BCCIP: variants seen among roughly 807,000 people sequenced by gnomAD.
BCCIP encodes the protein BRCA2 and CDKN1A interacting protein.
Under a neutral mutation model 32.8 loss-of-function variants are expected in BCCIP, and 23 were observed. That is an observed-to-expected ratio of 0.70 (90% CI 0.51 to 0.99). The LOEUF (loss-of-function observed/expected upper bound fraction) is 0.99. BCCIP is among the 50% of genes least tolerant of loss of function. The pLI is 0.00. For missense variants in BCCIP, 378 were observed against 379.8 expected (o/e 1.00, Z 0.04); for synonymous variants, 144 against 137.6 (o/e 1.05, Z -0.33).
At chr10:125,847,401 A>C (rs533773098), downstream of BCCIP, among the ~76,000 whole-genome samples, 1 of 152,232 alleles carries the variant, frequency 6.6e-6, no homozygotes, top group Non-Finnish European at 1.5e-5. Context: ...ATCCACTGCA[A>C]CATAATGCAT....
chr10:125,829,152 T>C lies in BCCIP; in HGVS notation c.322-1410T>C, dbSNP rs117607954. Among the ~76,000 whole-genome samples the C allele has an allele frequency of 3.3e-4, 51 of 152,310 alleles. 2 individuals carry two copies. Among genetic ancestry groups the C allele is most frequent in the Admixed American group, 1.9e-3 (29 of 15,294 alleles). On this transcript the variant is annotated intron_variant, in intron 3 of 6. Coordinates refer to ENST00000278100, the MANE Select transcript of BCCIP (RefSeq NM_078468.3). ...AAGAGCATGTCCAAGGAGAGATCCA[T>C]TGGGGCCATCTGTGAAAGATACAGT... is the stretch of plus-strand genomic sequence containing the variant.
chr10:125,851,930 A>G (rs1351285679), intron 7 of BCCIP, among the ~76,000 whole-genome samples: 1 of 151,232 alleles, frequency 6.6e-6, no homozygotes, highest in Admixed American at 6.6e-5. Flanking sequence ...CAAAAAAAAA[A>G]AAAAAAAAAA....
chr10:125,837,312 ATAG>A (rs999062048), downstream of BCCIP, among the ~76,000 whole-genome samples: 18 of 152,350 alleles, frequency 1.2e-4, no homozygotes, highest in Middle Eastern at 3.4e-3. Context: ...ACTTGCTGGA[ATAG>A]TAGTGGAACC....
chr10:125,843,522 G>A (rs1854937315), downstream of BCCIP, among the ~76,000 whole-genome samples: 2 of 151,974 alleles, frequency 1.3e-5, no homozygotes, highest in African/African-American at 4.8e-5. Flanking sequence ...TGAGGCAGGA[G>A]AATGGCGTGA....
chr10:125,837,063 T>G (rs1340236560), downstream of BCCIP, among the ~76,000 whole-genome samples: 1 of 152,330 alleles, frequency 6.6e-6, no homozygotes, highest in African/African-American at 2.4e-5. Flanking sequence ...CTAGAATAAG[T>G]TGGCCTCTCT....
intron 6 of BCCIP, 147 bp downstream of exon 6, chr10:125,834,093 A>C (rs1404716585): frequency 1.2e-6 from 1 of 825,396 alleles, no homozygotes; most frequent in Admixed American, 2.5e-5. Flanking sequence ...CCTAGCAGCT[A>C]ACATAGTGCC....
At chr10:125,835,602 A>AC (rs1854657784) in intron 6 of BCCIP, among the ~76,000 whole-genome samples, 1 of 152,070 alleles carries the variant, frequency 6.6e-6, no homozygotes, top group Admixed American at 6.5e-5. Context: ...AAACAAACAA[A>AC]AAAAACAAAA....
chr10:125,835,645 G>C (rs1337643394), intron 6 of BCCIP, among the ~76,000 whole-genome samples: 3 of 152,080 alleles, frequency 2.0e-5, no homozygotes, highest in South Asian at 2.1e-4. Flanking sequence ...TTGACCATTT[G>C]GGGGGAGTGT....
downstream of BCCIP, among the ~76,000 whole-genome samples, chr10:125,843,376 C>T (rs974556143): frequency 3.9e-5 from 6 of 152,030 alleles, no homozygotes; most frequent in East Asian, 1.9e-4. Context: ...TTTGGGAGGC[C>T]GAGGCGGGAG....
exon 7 of BCCIP, chr10:125,841,716 A>C: frequency 6.3e-7 from 1 of 1,591,950 alleles, no homozygotes; most frequent in East Asian, 2.2e-5. Flanking sequence ...TTTGCAAAAA[A>C]AGAAAAGGAA....
At chr10:125,830,031 T>A (rs951527794) in intron 3 of BCCIP, among the ~76,000 whole-genome samples, 5 of 152,260 alleles carry the variant, frequency 3.3e-5, no homozygotes, top group Admixed American at 6.5e-5. Flanking sequence ...TCCCCTTCTC[T>A]CTTGCTAATG....
At chr10:125,827,519 C>A in intron 2 of BCCIP, 39 bp from the exon 3 acceptor site, 1 of 1,322,140 alleles carries the variant, frequency 7.6e-7, no homozygotes, top group Non-Finnish European at 1.1e-6. Context: ...AGAAATCATG[C>A]TTTGATCTTA....
chr10:125,833,707 T>C (rs1471959129), intron 5 of BCCIP, 65 bp from the exon 6 acceptor site: 84 of 1,578,330 alleles, frequency 5.3e-5, no homozygotes, highest in Non-Finnish European at 7.1e-5. Context: ...TTTTCTGTGC[T>C]CTGGTTTGTT....
At chr10:125,835,404 G>C (rs186320103) in intron 6 of BCCIP, among the ~76,000 whole-genome samples, 21 of 151,942 alleles carry the variant, frequency 1.4e-4, no homozygotes, top group African/African-American at 2.9e-4. Flanking sequence ...ACGATGAAAC[G>C]CTGTCTTTAC....
chr10:125,827,598 A>C lies in BCCIP; in HGVS notation c.281A>C (p.Asp94Ala), dbSNP rs758651063. 3.1e-6 allele frequency: 5 copies of C among 1,613,354 alleles called. No individual in the cohort carries two copies. In the South Asian group the frequency reaches 4.4e-5, roughly 14 times the overall value. ...KAPVNTAELTDLLIQQNHIGS... is the reference protein window; with the variant it reads ...KAPVNTAELTALLIQQNHIGS... ...CCTGTGAACACTGCAGAACTAACAG[A>C]TCTCTTAATTCAACAGAACCATATT... The change falls in exon 3 of 7, where the codon GAT becomes GCT. Residue 94 changes from aspartate (D) to alanine (A), a missense_variant. Physicochemically the swap from Asp to Ala is moderately radical, Grantham distance 126 (BLOSUM62 -2). Coordinates refer to ENST00000278100, the MANE Select transcript of BCCIP (RefSeq NM_078468.3).
At chr10:125,839,003 G>T, downstream of BCCIP, 1 of 1,613,524 alleles carries the variant, frequency 6.2e-7, no homozygotes, top group Non-Finnish European at 8.5e-7. Context: ...CTTCTCACCT[G>T]CATAAAGTAA....
chr10:125,843,320 C>T (rs1854932107), downstream of BCCIP, among the ~76,000 whole-genome samples: 1 of 152,076 alleles, frequency 6.6e-6, no homozygotes, highest in South Asian at 2.1e-4. Context: ...GATCATTAAG[C>T]TCTATGTCTA....
chr10:125,836,033 T>C (rs1324969458), intron 6 of BCCIP, 71 bp from the exon 7 acceptor site: 2 of 1,350,030 alleles, frequency 1.5e-6, no homozygotes, highest in South Asian at 1.3e-5. Context: ...TAATATTCTT[T>C]GCCGTAGATC....
chr10:125,832,694 T>C (rs1322299579), intron 5 of BCCIP, among the ~76,000 whole-genome samples: 1 of 152,124 alleles, frequency 6.6e-6, no homozygotes, highest in Non-Finnish European at 1.5e-5. Context: ...CTCAGGAGGC[T>C]GAGGCAGGGG....
Sources: gnomAD v4.1 joint callset for allele counts (sites outside exome capture counted in the v4.1 genomes callset) on GRCh38, gnomAD v4.1.1 for gene constraint, MANE v1.5 for transcripts, NCBI Gene and HGNC (gene_info 2026-07-23, HGNC 2026-07-21) for gene names.